Variants in KLHDC4 observed in about 807,000 individuals in gnomAD.
The protein encoded by KLHDC4 is kelch domain-containing protein 4.
In KLHDC4, 90 loss-of-function variants were observed where a neutral mutation model predicts 62.4. The observed-to-expected ratio is 1.44, with a 90% CI of 1.22 to 1.72. The LOEUF (loss-of-function observed/expected upper bound fraction) is 1.72, where lower values mean the gene tolerates loss of function less well. Among genes scored for constraint, KLHDC4 ranks in the 40% most tolerant of loss-of-function variants. KLHDC4 has a pLI of 0.00. For missense variants in KLHDC4, 1,025 were observed against 699.7 expected (o/e 1.47, Z -5.25); for synonymous variants, 386 against 284.4 (o/e 1.36, Z -3.59).
At chr16:87,750,431 G>T (rs563987034) in intron 4 of KLHDC4, 1 of 152,416 alleles carries the variant, frequency 6.6e-6, no homozygotes, top group Non-Finnish European at 1.5e-5. Flanking sequence ...GAGAAAAAGC[G>T]ACCTGAGCAA....
At chr16:87,701,941 G>T (rs1382353028) in exon 1 of KLHDC4, 2 of 456,342 alleles carry the variant, frequency 4.4e-6, no homozygotes, top group African/African-American at 4.0e-5. Context: ...AGCAGTGGTA[G>T]ATGGGGCTCT....
chr16:87,729,735 A>T (rs1205302947), intron 6 of KLHDC4, among the ~76,000 whole-genome samples: 1 of 152,198 alleles, frequency 6.6e-6, no homozygotes. Flanking sequence ...GTGTGCTATC[A>T]CTGCTCTCCC....
chr16:87,698,844 G>C (rs536268978), exon 1 of KLHDC4: 2 of 152,288 alleles, frequency 1.3e-5, no homozygotes, highest in Non-Finnish European at 2.9e-5. Flanking sequence ...GGCAGGGCAG[G>C]ACAGCATGTG....
intron 8 of KLHDC4, among the ~76,000 whole-genome samples, chr16:87,713,877 TA>T (rs1411711342): frequency 1.3e-5 from 2 of 152,114 alleles, no homozygotes; most frequent in African/African-American, 4.8e-5. Context: ...CCAGTTTAGC[TA>T]AAAGCTTTTA....
chr16:87,728,891 C>CTTTA (rs1567722314), intron 6 of KLHDC4, among the ~76,000 whole-genome samples: 1 of 152,154 alleles, frequency 6.6e-6, no homozygotes, highest in Non-Finnish European at 1.5e-5. Context: ...TCTCTTGTAT[C>CTTTA]AGCCTCCCGA....
chr16:87,755,370 C>T (rs1262846284), intron 3 of KLHDC4, 78 bp from the exon 4 acceptor site: 2 of 770,234 alleles, frequency 2.6e-6, no homozygotes, highest in East Asian at 5.6e-5. Context: ...TTAATCATGA[C>T]AATTCCCTGG....
chr16:87,747,893 G>A (rs368754811), intron 5 of KLHDC4, among the ~76,000 whole-genome samples: 47 of 152,304 alleles, frequency 3.1e-4, no homozygotes, highest in African/African-American at 9.9e-4. Context: ...GCCTGTGTGC[G>A]GCGGCCTCTA....
chr16:87,741,780 G>A (rs886705583), intron 5 of KLHDC4, among the ~76,000 whole-genome samples: 7 of 152,190 alleles, frequency 4.6e-5, no homozygotes, highest in African/African-American at 1.7e-4. Context: ...TCCAGATACT[G>A]AATCCAGACT....
At chr16:87,716,698 AG>A (rs34508432) in intron 7 of KLHDC4, among the ~76,000 whole-genome samples, 67 of 152,242 alleles carry the variant, frequency 4.4e-4, no homozygotes, top group Non-Finnish European at 8.8e-4. Context: ...CAGGAGGCCG[AG>A]GGGGGTAGAC....
chr16:87,742,808 A>G (rs2042425182), intron 5 of KLHDC4, among the ~76,000 whole-genome samples: 1 of 151,998 alleles, frequency 6.6e-6, no homozygotes, highest in African/African-American at 2.4e-5. Flanking sequence ...AAAACCCCCC[A>G]CTGTTCTCTA....
intron 1 of KLHDC4, among the ~76,000 whole-genome samples, chr16:87,762,931 G>T (rs562948213): frequency 1.3e-5 from 2 of 151,848 alleles, no homozygotes; most frequent in East Asian, 3.9e-4. Context: ...CTCCCACCTG[G>T]CCTCACTCTC....
chr16:87,711,973 G>A (rs915394749), intron 8 of KLHDC4, among the ~76,000 whole-genome samples: 24 of 147,438 alleles, frequency 1.6e-4, no homozygotes, highest in South Asian at 6.5e-4. Flanking sequence ...GGGACCCTTC[G>A]CCCAGGGGGC....
Position 87,730,487 on chromosome 16 carries a change from T to C in KLHDC4, c.599+65A>G, listed in dbSNP as rs1246443089. 6.0e-6 allele frequency: 8 copies of C among 1,329,402 alleles called. No individual in the cohort carries two copies. In the East Asian group the frequency reaches 9.4e-5, roughly 16 times the overall value. 82.4% of individuals were successfully genotyped at this position (1,329,402 alleles called of 1,614,324 possible). A position where few individuals can be genotyped will look rare whatever the true frequency, so the allele number is the denominator to read the frequency against. On this transcript the variant is annotated intron_variant, in intron 6 of 11. Transcript: ENST00000270583. Reference sequence around the variant, plus strand: ...TCTTTCTTGTGTATTCAGAATGCTCTTTCTATAAAAAGCCCACTCCTTAAT... The same window carrying C: ...TCTTTCTTGTGTATTCAGAATGCTCCTTCTATAAAAAGCCCACTCCTTAAT...
At chr16:87,735,517 A>T (rs901474108) in intron 5 of KLHDC4, among the ~76,000 whole-genome samples, 1 of 152,178 alleles carries the variant, frequency 6.6e-6, no homozygotes, top group Non-Finnish European at 1.5e-5. Flanking sequence ...TGGGAACCCC[A>T]CCAGAGTCTC....
At chr16:87,721,142 C>T (rs982010366) in intron 7 of KLHDC4, among the ~76,000 whole-genome samples, 5 of 152,194 alleles carry the variant, frequency 3.3e-5, no homozygotes, top group African/African-American at 7.2e-5. Flanking sequence ...CCCAGAAGGC[C>T]GGGCATAGTG....
At chr16:87,724,673 C>T (rs78112313) in intron 7 of KLHDC4, among the ~76,000 whole-genome samples, 20,104 of 152,238 alleles carry the variant, frequency 0.13, 1,450 homozygotes, top group South Asian at 0.25. Context: ...GAAAGACTGA[C>T]GCCATTGGGG....
chr16:87,702,436 G>A (rs959756680), intron 13 of KLHDC4: 10 of 367,874 alleles, frequency 2.7e-5, no homozygotes, highest in African/African-American at 1.1e-4. Flanking sequence ...CGGCTTTCTC[G>A]CTTGGGCCTC....
chr16:87,705,408 G>T (rs115704432), downstream of KLHDC4, among the ~76,000 whole-genome samples: 628 of 152,358 alleles, frequency 4.1e-3, 3 homozygotes, highest in African/African-American at 0.015. Flanking sequence ...TTTCATCACG[G>T]CCGTGACAGC....
In KLHDC4 at chr16:87,765,560, C is replaced by T. The variant is rs150237542; in HGVS notation, c.99+232G>A. On this transcript the variant is annotated intron_variant, in intron 1 of 11. Coordinates refer to ENST00000270583, the MANE Select transcript of KLHDC4 (RefSeq NM_017566.4). ...GACACCACACTAAGAAAAGCAAGCA[C>T]GTTAAAGGGGGCAGCTCCGAGAAGC... Among the ~76,000 whole-genome samples the T allele has an allele frequency of 5.2e-3, 797 of 152,196 alleles. 8 individuals carry two copies. Among genetic ancestry groups the T allele is most frequent in the African/African-American group, 0.018 (755 of 41,534 alleles).
Sources: gnomAD v4.1 joint callset for allele counts (sites outside exome capture counted in the v4.1 genomes callset) on GRCh38, gnomAD v4.1.1 for gene constraint, MANE v1.5 for transcripts, NCBI Gene and HGNC (gene_info 2026-07-23, HGNC 2026-07-21) for gene names.